Variants in ZPLD1 observed in about 807,000 individuals in gnomAD.
ZPLD1 encodes zona pellucida-like domain-containing protein 1.
A neutral mutation model predicts 47.2 loss-of-function variants in ZPLD1; 34 were observed. That is an observed-to-expected ratio of 0.72 (90% confidence interval 0.55 to 0.96). The LOEUF is 0.96. Among genes scored for constraint, ZPLD1 ranks in the 40% least tolerant of loss-of-function variants. The pLI is 0.00. For synonymous variants in ZPLD1, 176 were observed against 186.2 expected, an observed-to-expected ratio of 0.95 and a Z score of 0.45; for missense variants, 512 against 505.8, an observed-to-expected ratio of 1.01 and a Z score of -0.12.
intron 3 of ZPLD1, among the ~76,000 whole-genome samples, chr3:102,440,039 C>T (rs772824577): frequency 1.3e-5 from 2 of 152,154 alleles, no homozygotes; most frequent in Non-Finnish European, 2.9e-5. Flanking sequence ...ATTGAACAGG[C>T]TCCTTTTTCC....
Position 102,389,624 on chromosome 3 carries a change from G to A in ZPLD1, c.-212-2546G>A, listed in dbSNP as rs187514052. On this transcript the variant is annotated intron_variant, in intron 6 of 17. Transcript: ENST00000491959. ...CATTTGGACCCTAGATATAAATTTA[G>A]GGCTGAATATTGAGACATAACTCAG... 3.5e-4 allele frequency among the ~76,000 whole-genome samples: 53 copies of A among 152,222 alleles called. 1 individual carries two copies. In the East Asian group the frequency reaches 7.1e-3, roughly 20 times the overall value.
upstream of ZPLD1, among the ~76,000 whole-genome samples, chr3:102,430,621 G>A (rs1276549824): frequency 6.6e-6 from 1 of 152,146 alleles, no homozygotes; most frequent in Admixed American, 6.5e-5. Flanking sequence ...TTTATTCTTA[G>A]GAAAGGGTTG....
At chr3:102,456,719 T>C (rs1440780888) in intron 5 of ZPLD1, among the ~76,000 whole-genome samples, 2 of 152,194 alleles carry the variant, frequency 1.3e-5, no homozygotes, top group Non-Finnish European at 2.9e-5. Flanking sequence ...GGGTGTTTCA[T>C]GGCCCTGGAG....
intron 4 of ZPLD1, among the ~76,000 whole-genome samples, chr3:102,453,871 G>A (rs931665983): frequency 3.3e-5 from 5 of 152,176 alleles, no homozygotes; most frequent in Non-Finnish European, 7.3e-5. Context: ...TGACTCTCCA[G>A]TGAATTAAAA....
chr3:102,415,058 C>A (rs952179530), intron 7 of ZPLD1, among the ~76,000 whole-genome samples: 1 of 151,794 alleles, frequency 6.6e-6, no homozygotes, highest in Admixed American at 6.6e-5. Flanking sequence ...ATCGATTGTA[C>A]TTATGTATGA....
intron 7 of ZPLD1, among the ~76,000 whole-genome samples, chr3:102,394,625 T>C (rs774092022): frequency 6.6e-6 from 1 of 152,164 alleles, no homozygotes; most frequent in South Asian, 2.1e-4. Flanking sequence ...AAGAAGTTAT[T>C]TTAAAATGGG....
chr3:102,467,473 C>A (rs1379498496), intron 8 of ZPLD1, among the ~76,000 whole-genome samples: 1 of 152,026 alleles, frequency 6.6e-6, no homozygotes, highest in Non-Finnish European at 1.5e-5. Flanking sequence ...TTATGCAAAG[C>A]TAGACACATA....
intron 2 of ZPLD1, 61 bp downstream of exon 2, chr3:102,437,034 A>C (rs750199286): frequency 4.2e-6 from 3 of 721,320 alleles, no homozygotes; most frequent in Non-Finnish European, 5.1e-6. Flanking sequence ...TCTTCCAAAG[A>C]CTCCAAAAGA....
intron 7 of ZPLD1, among the ~76,000 whole-genome samples, chr3:102,396,773 A>G (rs920545993): frequency 1.3e-5 from 2 of 152,136 alleles, no homozygotes; most frequent in African/African-American, 2.4e-5. Flanking sequence ...TCCACCAGCT[A>G]TACTGAACAG....
intron 7 of ZPLD1, among the ~76,000 whole-genome samples, chr3:102,400,306 T>C (rs972815118): frequency 2.0e-5 from 3 of 152,126 alleles, no homozygotes. Flanking sequence ...CAGGGTTTTA[T>C]GTAGGAAATT....
chr3:102,415,300 T>G (rs1400408593), intron 7 of ZPLD1, among the ~76,000 whole-genome samples: 1 of 151,788 alleles, frequency 6.6e-6, no homozygotes, highest in Non-Finnish European at 1.5e-5. Flanking sequence ...AACATACTAG[T>G]TAAAAATAAA....
rs139886134 is a variant in ZPLD1 at position 102,457,275 on chromosome 3, A to G, written c.510-506A>G. On this transcript the variant is annotated intron_variant, in intron 5 of 11. Coordinates refer to ENST00000466937, the MANE Select transcript of ZPLD1 (RefSeq NM_001329788.2). ...AATGAGAAAGGAAAGGCCTCGAGTC[A>G]AAACAATATGGGTGTACAGGGAAGC... is the stretch of plus-strand genomic sequence containing the variant. Among the ~76,000 whole-genome samples the G allele has an allele frequency of 1.5e-4, 23 of 152,336 alleles. No homozygotes were observed. The East Asian group carries it at 4.0e-3, about 27-fold the overall frequency.
At chr3:102,420,743 C>A (rs1302939386) in intron 8 of ZPLD1, among the ~76,000 whole-genome samples, 1 of 151,572 alleles carries the variant, frequency 6.6e-6, no homozygotes, top group African/African-American at 2.4e-5. Context: ...CTGGAACTCA[C>A]AATAAGATAT....
intron 3 of ZPLD1, among the ~76,000 whole-genome samples, chr3:102,443,847 T>C (rs745324542): frequency 8.5e-5 from 13 of 152,232 alleles, no homozygotes; most frequent in Non-Finnish European, 1.6e-4. Flanking sequence ...GTTCTCTGTA[T>C]AGAAAGGAAA....
At chr3:102,407,132 A>C (rs2107296025) in intron 7 of ZPLD1, among the ~76,000 whole-genome samples, 1 of 151,346 alleles carries the variant, frequency 6.6e-6, no homozygotes, top group African/African-American at 2.4e-5. Context: ...ATTAAAGCAT[A>C]CTCTTAAAGT....
At chr3:102,435,243 C>T (rs1034255101) in intron 1 of ZPLD1, 89 bp downstream of exon 1, 8 of 1,426,190 alleles carry the variant, frequency 5.6e-6, no homozygotes, top group East Asian at 2.3e-5. Flanking sequence ...TTGAAAATGT[C>T]GTAAGCCCTG....
chr3:102,458,225 T>G (rs1707449528), intron 6 of ZPLD1, among the ~76,000 whole-genome samples: 1 of 152,182 alleles, frequency 6.6e-6, no homozygotes, highest in Admixed American at 6.5e-5. Flanking sequence ...ACAAAGATTT[T>G]AACAGTACAA....
chr3:102,470,605 T>A, intron 10 of ZPLD1, 103 bp downstream of exon 10: 3 of 814,510 alleles, frequency 3.7e-6, no homozygotes, highest in Non-Finnish European at 6.0e-6. Context: ...CAGCACTAAT[T>A]AATTGTGAGA....
chr3:102,396,185 G>A (rs376248519), intron 7 of ZPLD1, among the ~76,000 whole-genome samples: 8 of 152,210 alleles, frequency 5.3e-5, no homozygotes, highest in Middle Eastern at 6.8e-3. Context: ...TGAATCAGCC[G>A]TGCTGTGCTT....
Sources: allele counts gnomAD v4.1 joint callset (sites outside exome capture counted in the v4.1 genomes callset), GRCh38; gene constraint gnomAD v4.1.1; transcripts MANE v1.5; gene names NCBI Gene and HGNC (gene_info 2026-07-23, HGNC 2026-07-21).